RASAL2: variants seen among roughly 807,000 people sequenced by gnomAD.
The protein encoded by RASAL2 is ras GTPase-activating protein nGAP.
In RASAL2, 58 loss-of-function variants were observed where a neutral mutation model predicts 128.9. That is an observed-to-expected ratio of 0.45 (90% CI 0.36 to 0.56). The LOEUF (loss-of-function observed/expected upper bound fraction) is 0.56, where lower values mean the gene tolerates loss of function less well. Ranked by LOEUF, RASAL2 falls within the 20% of genes least tolerant of loss-of-function variation. The pLI, the probability that RASAL2 is intolerant of heterozygous loss-of-function variation, is 0.00. For missense variants in RASAL2, 1,360 were observed against 1,601.6 expected, an observed-to-expected ratio of 0.85 and a Z score of 2.57; for synonymous variants, 561 against 580.8, an observed-to-expected ratio of 0.97 and a Z score of 0.49.
intron 14 of RASAL2, among the ~76,000 whole-genome samples, chr1:178,461,464 A>G (rs1473373809): frequency 1.3e-5 from 2 of 151,574 alleles, no homozygotes; most frequent in African/African-American, 4.8e-5. Context: ...TTTTCAAGAA[A>G]CTCTCTTAAT....
chr1:178,302,203 G>T (rs1667797188), intron 3 of RASAL2, among the ~76,000 whole-genome samples: 1 of 152,070 alleles, frequency 6.6e-6, no homozygotes, highest in Admixed American at 6.6e-5. Flanking sequence ...TTGAATAATT[G>T]CTGTATATGT....
At chr1:178,401,824 A>G (rs925458999) in intron 4 of RASAL2, among the ~76,000 whole-genome samples, 1 of 152,144 alleles carries the variant, frequency 6.6e-6, no homozygotes. Context: ...TAAGGTGGTT[A>G]CAGTTTAAAA....
Position 178,452,411 on chromosome 1 carries a change from C to G in RASAL2, c.1773-5C>G. The G allele has an allele frequency of 6.2e-7, 1 of 1,612,976 alleles. No homozygotes were observed. The highest frequency in any genetic ancestry group is 8.5e-7 in the Non-Finnish European group (1 of 1,179,030). Reference sequence around the variant, plus strand: ...AGAGGTTTTGGTACTTCTTTCCTTCCCTAGTGTTTTCCCTCGTGAGTTGAA... The same window carrying G: ...AGAGGTTTTGGTACTTCTTTCCTTCGCTAGTGTTTTCCCTCGTGAGTTGAA... On this transcript the variant is annotated splice_region_variant and splice_polypyrimidine_tract_variant and intron_variant, in intron 10 of 17. Coordinates refer to ENST00000367649, the MANE Select transcript of RASAL2 (RefSeq NM_170692.4).
chr1:178,405,977 T>C (rs1446125734), intron 4 of RASAL2, among the ~76,000 whole-genome samples: 7 of 152,214 alleles, frequency 4.6e-5, no homozygotes, highest in Non-Finnish European at 1.0e-4. Flanking sequence ...AATTACTTCA[T>C]ATCTAGAGGA....
At chr1:178,129,898 C>T (rs760616310) in intron 1 of RASAL2, among the ~76,000 whole-genome samples, 4 of 152,086 alleles carry the variant, frequency 2.6e-5, no homozygotes, top group African/African-American at 4.8e-5. Context: ...CATGTATGCA[C>T]GTGAAAACAT....
At chr1:178,327,005 T>C (rs999313953) in intron 3 of RASAL2, among the ~76,000 whole-genome samples, 1 of 152,186 alleles carries the variant, frequency 6.6e-6, no homozygotes, top group South Asian at 2.1e-4. Context: ...ATATAAATAT[T>C]GAAAGGCTCT....
Position 178,248,396 on chromosome 1 carries a change from C to T in RASAL2, c.203-35168C>T, listed in dbSNP as rs572611615. 2.6e-4 allele frequency among the ~76,000 whole-genome samples: 40 copies of T among 151,594 alleles called. No homozygotes were observed. The South Asian group carries it at 7.9e-3, about 30-fold the overall frequency. Reference sequence around the variant, plus strand: ...ATCAGGGACTAGGATTGCAACCCTGCTTTTTTTGCTTTCCATTCCCTTTAT... The same window carrying T: ...ATCAGGGACTAGGATTGCAACCCTGTTTTTTTTGCTTTCCATTCCCTTTAT... On this transcript the variant is annotated intron_variant, in intron 1 of 17. Transcript: ENST00000367649.
intron 14 of RASAL2, among the ~76,000 whole-genome samples, chr1:178,461,642 TA>T (rs990618841): frequency 6.6e-6 from 1 of 152,328 alleles, no homozygotes; most frequent in African/African-American, 2.4e-5. Context: ...AGAGACCTTT[TA>T]AAATAGATAA....
chr1:178,449,982 G>A (rs1677266735), intron 9 of RASAL2, among the ~76,000 whole-genome samples: 1 of 151,892 alleles, frequency 6.6e-6, no homozygotes, highest in Non-Finnish European at 1.5e-5. Context: ...TTTTACATGG[G>A]ATATTTGACA....
chr1:178,403,885 TA>T (rs1192226599), intron 4 of RASAL2, among the ~76,000 whole-genome samples: 1 of 152,022 alleles, frequency 6.6e-6, no homozygotes, highest in Non-Finnish European at 1.5e-5. Context: ...AAATTAAAGT[TA>T]AAAGACAACC....
chr1:178,362,761 T>C (rs910267961), intron 3 of RASAL2, among the ~76,000 whole-genome samples: 1 of 152,084 alleles, frequency 6.6e-6, no homozygotes, highest in Non-Finnish European at 1.5e-5. Context: ...GATCATGCAG[T>C]GTTTTTCTCT....
intron 1 of RASAL2, among the ~76,000 whole-genome samples, chr1:178,112,811 A>G (rs1659380424): frequency 6.6e-6 from 1 of 150,710 alleles, no homozygotes; most frequent in African/African-American, 2.4e-5. Context: ...CTAATGCTAG[A>G]TGACGAGTTA....
At chr1:178,366,583 ACC>A (rs1170150772) in intron 3 of RASAL2, among the ~76,000 whole-genome samples, 1 of 37,910 alleles carries the variant, frequency 2.6e-5, no homozygotes, top group African/African-American at 1.2e-4. Context: ...GGTACCTCCC[ACC>A]CCCCCCCGCC....
chr1:178,306,052 T>A (rs114941489), intron 3 of RASAL2, among the ~76,000 whole-genome samples: 1 of 152,188 alleles, frequency 6.6e-6, no homozygotes, highest in Non-Finnish European at 1.5e-5. Flanking sequence ...CATTCAGCAG[T>A]TTACAGTTAC....
intron 12 of RASAL2, among the ~76,000 whole-genome samples, chr1:178,455,920 A>G (rs1677738404): frequency 1.3e-5 from 2 of 152,246 alleles, no homozygotes; most frequent in South Asian, 4.1e-4. Context: ...ACTGCATCTC[A>G]GTGGAATGCA....
intron 1 of RASAL2, among the ~76,000 whole-genome samples, chr1:178,149,946 A>C (rs1660858999): frequency 6.6e-6 from 1 of 152,078 alleles, no homozygotes; most frequent in African/African-American, 2.4e-5. Flanking sequence ...CCAGTATATA[A>C]ATTTTGTGAG....
rs1647636469 is a variant in RASAL2 at position 178,465,961 on chromosome 1, T to TTCC, written c.3430_3432dup (p.Ser1145dup). 1 of 1,555,560 alleles carries TTCC rather than the reference T, an allele frequency of 6.4e-7. No homozygotes were observed. On this transcript the variant is annotated inframe_insertion, in exon 16 of 18. Coordinates refer to ENST00000367649, the MANE Select transcript of RASAL2 (RefSeq NM_170692.4). ...CTAAACTGAAGGAGCGCCTGAGAGT[T>TTCC]TCCAGCCGGCGACTGGAGGAATATG...
chr1:178,364,470 G>T (rs1671297942), intron 3 of RASAL2, among the ~76,000 whole-genome samples: 1 of 152,178 alleles, frequency 6.6e-6, no homozygotes, highest in Admixed American at 6.5e-5. Context: ...ACCTTGTAGG[G>T]TTGATATGAG....
chr1:178,323,431 C>G (rs538348480), intron 3 of RASAL2, among the ~76,000 whole-genome samples: 1 of 152,226 alleles, frequency 6.6e-6, no homozygotes, highest in South Asian at 2.1e-4. Flanking sequence ...AAGGGAAAAC[C>G]ATACCCACTT....
Sources: gnomAD v4.1 joint callset for allele counts (sites outside exome capture counted in the v4.1 genomes callset) on GRCh38, gnomAD v4.1.1 for gene constraint, MANE v1.5 for transcripts, NCBI Gene and HGNC (gene_info 2026-07-23, HGNC 2026-07-21) for gene names.